CSMD1: variants seen among roughly 807,000 people sequenced by gnomAD.
The protein encoded by CSMD1 is CUB and sushi domain-containing protein 1.
A neutral mutation model predicts 417.5 loss-of-function variants in CSMD1; 213 were observed. That is an observed-to-expected ratio of 0.51 (90% confidence interval 0.46 to 0.57). The LOEUF (loss-of-function observed/expected upper bound fraction) is 0.57, where lower values mean the gene tolerates loss of function less well. Ranked by LOEUF, CSMD1 falls within the 20% of genes least tolerant of loss-of-function variation. The pLI is 0.00. For synonymous variants in CSMD1, 2,862 were observed against 1,736.8 expected, an observed-to-expected ratio of 1.65 and a Z score of -16.11; for missense variants, 6,923 against 4,529.7, an observed-to-expected ratio of 1.53 and a Z score of -15.17.
chr8:3,653,421 G>A (rs1192912047), intron 7 of CSMD1, among the ~76,000 whole-genome samples: 1 of 152,084 alleles, frequency 6.6e-6, no homozygotes, highest in Non-Finnish European at 1.5e-5. Flanking sequence ...CGATTGTCCT[G>A]CCTCAGCCTC....
intron 1 of CSMD1, among the ~76,000 whole-genome samples, chr8:4,719,800 C>A (rs917997526): frequency 6.6e-6 from 1 of 152,084 alleles, no homozygotes; most frequent in Admixed American, 6.6e-5. Context: ...AGAGCTTGAA[C>A]TATTGCTGCC....
intron 5 of CSMD1, among the ~76,000 whole-genome samples, chr8:3,776,448 C>A (rs1446601284): frequency 1.3e-5 from 2 of 152,316 alleles, no homozygotes; most frequent in African/African-American, 4.8e-5. Context: ...TCCTGTCTGG[C>A]CACATTCTAC....
intron 3 of CSMD1, among the ~76,000 whole-genome samples, chr8:4,201,496 C>G (rs933786373): frequency 7.9e-6 from 1 of 125,968 alleles, no homozygotes; most frequent in Admixed American, 1.0e-4. Flanking sequence ...CGACATAGCG[C>G]CACTGCCGTC....
chr8:3,993,338 G>A (rs967584589), intron 5 of CSMD1, among the ~76,000 whole-genome samples: 1 of 152,164 alleles, frequency 6.6e-6, no homozygotes, highest in Non-Finnish European at 1.5e-5. Context: ...CTGTTACTCA[G>A]CATGTTCCTC....
chr8:4,279,122 T>A (rs915182215), intron 3 of CSMD1, among the ~76,000 whole-genome samples: 3 of 152,200 alleles, frequency 2.0e-5, no homozygotes, highest in Admixed American at 6.6e-5. Context: ...ATTAGCAAAC[T>A]TCTGAGCATC....
chr8:3,473,766 T>C (rs1817243140), intron 11 of CSMD1, among the ~76,000 whole-genome samples: 1 of 152,182 alleles, frequency 6.6e-6, no homozygotes, highest in Admixed American at 6.5e-5. Context: ...ATCAGTCTAC[T>C]CTCACACTGC....
intron 3 of CSMD1, among the ~76,000 whole-genome samples, chr8:4,108,374 G>A (rs552480576): frequency 2.0e-5 from 3 of 152,244 alleles, no homozygotes; most frequent in African/African-American, 7.2e-5. Context: ...CCGGGTATCT[G>A]TATCAAGAAC....
chr8:4,541,703 C>G (rs1388870435), intron 2 of CSMD1, among the ~76,000 whole-genome samples: 1 of 151,980 alleles, frequency 6.6e-6, no homozygotes, highest in Non-Finnish European at 1.5e-5. Flanking sequence ...CCACTGCATT[C>G]CAGCCTGGGT....
chr8:4,701,289 C>T (rs968376840), intron 1 of CSMD1, among the ~76,000 whole-genome samples: 5 of 149,458 alleles, frequency 3.3e-5, no homozygotes, highest in African/African-American at 1.0e-4. Flanking sequence ...ACTTCGAAGG[C>T]TGCTTTTGAG....
In CSMD1 at chr8:3,689,842, A is replaced by G. The variant is rs117091009; in HGVS notation, c.1009+18572T>C. 3.3e-4 allele frequency among the ~76,000 whole-genome samples: 51 copies of G among 152,358 alleles called. No individual in the cohort carries two copies. In the East Asian group the frequency reaches 7.9e-3, roughly 24 times the overall value. On this transcript the variant is annotated intron_variant, in intron 7 of 69. Coordinates refer to ENST00000635120, the MANE Select transcript of CSMD1 (RefSeq NM_033225.6). ...TGATTCCAAACTACTGGGCTCAGAA[A>G]GAACATGAGCTTTAAATCAGATATT...
chr8:4,934,317 C>T (rs139277012), intron 1 of CSMD1, among the ~76,000 whole-genome samples: 29 of 152,308 alleles, frequency 1.9e-4, no homozygotes, highest in African/African-American at 6.7e-4. Flanking sequence ...CAACATCAAC[C>T]TTGTTTTGCA....
chr8:3,214,421 GAAACCATTTCTTCA>G, intron 30 of CSMD1, 62 bp downstream of exon 30: 1 of 1,271,530 alleles, frequency 7.9e-7, no homozygotes, highest in Admixed American at 2.7e-5. Flanking sequence ...GTTGAAATGT[GAAACCATTTCTTCA>G]ATGAGATGCT....
chr8:3,393,025 C>G (rs1811440622), intron 17 of CSMD1, among the ~76,000 whole-genome samples: 1 of 152,200 alleles, frequency 6.6e-6, no homozygotes, highest in South Asian at 2.1e-4. Flanking sequence ...TGTCCTGAAC[C>G]TCATTCACTT....
At chr8:4,398,735 C>T (rs1427869833) in intron 3 of CSMD1, among the ~76,000 whole-genome samples, 2 of 152,140 alleles carry the variant, frequency 1.3e-5, no homozygotes, top group Non-Finnish European at 2.9e-5. Flanking sequence ...CAAATGCTAA[C>T]AGATTTATCA....
At chr8:3,302,955 A>T (rs3860872) in intron 25 of CSMD1, among the ~76,000 whole-genome samples, 3 of 152,184 alleles carry the variant, frequency 2.0e-5, no homozygotes, top group African/African-American at 7.2e-5. Context: ...GTCACCCATG[A>T]CCAGCAACTG....
chr8:4,107,831 G>A (rs755036715), intron 3 of CSMD1, among the ~76,000 whole-genome samples: 1 of 152,224 alleles, frequency 6.6e-6, no homozygotes, highest in Non-Finnish European at 1.5e-5. Flanking sequence ...TAAGAACGAA[G>A]AGACAGGCTG....
intron 59 of CSMD1, among the ~76,000 whole-genome samples, chr8:2,963,999 T>G (rs1283552223): frequency 6.6e-6 from 1 of 152,144 alleles, no homozygotes; most frequent in African/African-American, 2.4e-5. Flanking sequence ...TAGGGAGGAT[T>G]TCCCCGAGGG....
At chr8:4,443,391 AAC>A (rs747765804) in intron 2 of CSMD1, among the ~76,000 whole-genome samples, 2 of 152,186 alleles carry the variant, frequency 1.3e-5, no homozygotes, top group African/African-American at 2.4e-5. Flanking sequence ...AAGGCAACAA[AAC>A]ACAGTTCCAA....
At chr8:4,575,683 C>A (rs1261847651) in intron 2 of CSMD1, among the ~76,000 whole-genome samples, 21 of 152,198 alleles carry the variant, frequency 1.4e-4, no homozygotes, top group Admixed American at 1.4e-3. Flanking sequence ...ATACAGGCAA[C>A]ATTTTGAAGA....
Sources: gnomAD v4.1 joint callset for allele counts (sites outside exome capture counted in the v4.1 genomes callset) on GRCh38, gnomAD v4.1.1 for gene constraint, MANE v1.5 for transcripts, NCBI Gene and HGNC (gene_info 2026-07-23, HGNC 2026-07-21) for gene names.